The following DDB2 variants were observed in gnomAD, a reference collection of about 807,000 sequenced individuals.
DDB2 encodes the protein DNA damage-binding protein 2.
Under a neutral mutation model 50.5 loss-of-function variants are expected in DDB2, and 27 were observed. The observed-to-expected ratio is 0.53, with a 90% CI of 0.39 to 0.74. The LOEUF is 0.74. DDB2 is among the 30% of genes least tolerant of loss of function. DDB2 has a pLI of 0.00. For synonymous variants in DDB2, 176 were observed against 205.5 expected (o/e 0.86, Z 1.23); for missense variants, 424 against 545.6 (o/e 0.78, Z 2.22).
chr11:47,235,030 T>C, intron 6 of DDB2, 96 bp downstream of exon 6: 1 of 1,427,196 alleles, frequency 7.0e-7, no homozygotes, highest in Non-Finnish European at 9.8e-7. Flanking sequence ...GTCAAACCTT[T>C]ACCCCTGATA....
chr11:47,234,948 G>A lies in DDB2; in HGVS notation c.880+14G>A, dbSNP rs914598607. The A allele has an allele frequency of 6.2e-7, 1 of 1,613,828 alleles. No homozygotes were observed. Among genetic ancestry groups the A allele is most frequent in the Non-Finnish European group, 8.5e-7 (1 of 1,179,832 alleles). Reference sequence around the variant, plus strand: ...CTGTCAACGCAGGTGTGATATCCCAGACCTCATCTCTCCTGCAGACCCTGC... The same window carrying A: ...CTGTCAACGCAGGTGTGATATCCCAAACCTCATCTCTCCTGCAGACCCTGC... On this transcript the variant is annotated intron_variant, in intron 6 of 9. Coordinates refer to ENST00000256996, the MANE Select transcript of DDB2 (RefSeq NM_000107.3).
Position 47,217,063 on chromosome 11 carries a change from C to T in DDB2, c.456+14C>T, listed in dbSNP as rs1451699361. On this transcript the variant is annotated intron_variant, in intron 3 of 9. Transcript: ENST00000256996. ...TTCATCAAAGGGGTGAGCAGTTCCC[C>T]ATGCCAGGTCGTGCTAAAGAAGTGT... 1 of 1,610,886 alleles carries T rather than the reference C, an allele frequency of 6.2e-7. No individual in the cohort carries two copies. Among genetic ancestry groups the T allele is most frequent in the East Asian group, 2.2e-5 (1 of 44,862 alleles).
intron 4 of DDB2, 180 bp downstream of exon 4, chr11:47,233,139 G>A: frequency 1.4e-6 from 1 of 735,956 alleles, no homozygotes; most frequent in South Asian, 1.5e-5. Context: ...CTTTGGTCCA[G>A]GTGGGTTACT....
chr11:47,234,997 TC>T, intron 6 of DDB2, 63 bp downstream of exon 6: 1 of 1,574,794 alleles, frequency 6.4e-7, no homozygotes, highest in Non-Finnish European at 8.7e-7. Flanking sequence ...GCTGGGGTTT[TC>T]CCTCAGTGTG....
At chr11:47,228,578 G>T (rs553399430) in intron 3 of DDB2, among the ~76,000 whole-genome samples, 1 of 151,468 alleles carries the variant, frequency 6.6e-6, no homozygotes, top group South Asian at 2.1e-4. Flanking sequence ...AGGAGGCAGA[G>T]GTTGCAGTGA....
chr11:47,214,959 C>T (rs1382115033), upstream of DDB2: 4 of 856,074 alleles, frequency 4.7e-6, no homozygotes, highest in Non-Finnish European at 7.3e-6. Flanking sequence ...ACGGGTGGGG[C>T]CGGAGCTCCA....
At chr11:47,219,653 T>TA (rs1484435111) in intron 3 of DDB2, among the ~76,000 whole-genome samples, 1 of 152,204 alleles carries the variant, frequency 6.6e-6, no homozygotes, top group Non-Finnish European at 1.5e-5. Flanking sequence ...GCTGGGCCTC[T>TA]AGAACGTCTT....
chr11:47,234,446 CAGTT>C, intron 4 of DDB2, 123 bp from the exon 5 acceptor site: 1 of 802,888 alleles, frequency 1.2e-6, no homozygotes, highest in Non-Finnish European at 2.2e-6. Context: ...CACGGCAAGA[CAGTT>C]ATTCATTCAT....
intron 3 of DDB2, among the ~76,000 whole-genome samples, chr11:47,226,515 C>A (rs1337354800): frequency 1.3e-5 from 2 of 151,866 alleles, no homozygotes; most frequent in African/African-American, 2.4e-5. Flanking sequence ...TCAGGTGATT[C>A]ATTTGCCTTG....
At chr11:47,236,288 G>A (rs1953726064) in intron 7 of DDB2, among the ~76,000 whole-genome samples, 1 of 152,090 alleles carries the variant, frequency 6.6e-6, no homozygotes, top group South Asian at 2.1e-4. Flanking sequence ...ATAAAAATAA[G>A]TCTTTTATTT....
chr11:47,218,720 T>C (rs543621862), intron 3 of DDB2, among the ~76,000 whole-genome samples: 3 of 149,072 alleles, frequency 2.0e-5, no homozygotes, highest in Admixed American at 6.7e-5. Context: ...CACAAACTTA[T>C]AGGGCTCCAG....
intron 9 of DDB2, among the ~76,000 whole-genome samples, chr11:47,238,421 G>A (rs1437200505): frequency 1.3e-5 from 2 of 151,132 alleles, no homozygotes; most frequent in African/African-American, 2.4e-5. Context: ...TTTTTGAGAC[G>A]GAGTCTCGCT....
chr11:47,216,876 T>C lies in DDB2; in HGVS notation c.283T>C (p.Leu95=), dbSNP rs1403997031. ...GTGGCAGGGGCTCCAGCAGTCCTTT[T>C]TGCACACTCTGGATTCTTACCGGAT... ...SVQQGLQQSF[L]HTLDSYRILQ... is the part of the protein sequence containing the mutation. The change falls in exon 3 of 10, where the codon TTG becomes CTG. Residue 95 remains leucine, a synonymous_variant. Coordinates refer to ENST00000256996, the MANE Select transcript of DDB2 (RefSeq NM_000107.3). 5 of 1,614,120 alleles carry C rather than the reference T, an allele frequency of 3.1e-6. No homozygotes were observed. Among genetic ancestry groups the C allele is most frequent in the South Asian group, 1.1e-5 (1 of 91,078 alleles).
rs1383043416 is a variant in DDB2 at position 47,227,213 on chromosome 11, TCTC to T, written c.457-5598_457-5596del. On this transcript the variant is annotated intron_variant, in intron 3 of 9. Coordinates refer to ENST00000256996, the MANE Select transcript of DDB2 (RefSeq NM_000107.3). ...TCTCCACCTCCCGGGTTCAAGCAAT[TCTC>T]CTGCTTCAGCCTCCTGAGTAGCTGG... is the stretch of plus-strand genomic sequence containing the variant. Among the ~76,000 whole-genome samples, 6 of 137,656 alleles carry T rather than the reference TCTC, an allele frequency of 4.4e-5. No individual in the cohort carries two copies. In the East Asian group the frequency reaches 9.0e-4, roughly 21 times the overall value. 90.3% of individuals were successfully genotyped at this position (137,656 alleles called of 152,430 possible). A position where few individuals can be genotyped will look rare whatever the true frequency, so the allele number is the denominator to read the frequency against.
At chr11:47,223,432 G>A (rs994979462) in intron 3 of DDB2, among the ~76,000 whole-genome samples, 19 of 151,992 alleles carry the variant, frequency 1.3e-4, no homozygotes, top group Non-Finnish European at 2.4e-4. Flanking sequence ...GCAGTGAGCC[G>A]AGATGGTGTC....
intron 7 of DDB2, 180 bp from the exon 8 acceptor site, chr11:47,237,657 G>A (rs1022695298): frequency 1.1e-5 from 7 of 635,890 alleles, no homozygotes; most frequent in East Asian, 3.0e-5. Context: ...GGATGGTCTC[G>A]ATCTCCTGAC....
chr11:47,220,294 T>C (rs963593447), intron 3 of DDB2: 1 of 152,258 alleles, frequency 6.6e-6, no homozygotes, highest in Non-Finnish European at 1.5e-5. Context: ...TGACCGCTAA[T>C]AAGGCAGCTT....
At chr11:47,224,286 G>A (rs1419785730) in intron 3 of DDB2, among the ~76,000 whole-genome samples, 1 of 151,932 alleles carries the variant, frequency 6.6e-6, no homozygotes, top group African/African-American at 2.4e-5. Flanking sequence ...GGTGTGCAGT[G>A]CCACAATCTC....
rs326211 is a variant in DDB2, at chr11:47,217,114, A to T, written c.456+65A>T. The stretch of plus-strand genomic sequence containing the variant: ...TTGTTGGCTGGGTGCAGTGGTTCGC[A>T]CCTGTAATCCCAGCACTTTGGGAGG... On this transcript the variant is annotated intron_variant, in intron 3 of 9. Transcript: ENST00000256996. 6 of 1,427,996 alleles carry T rather than the reference A, an allele frequency of 4.2e-6. No individual in the cohort carries two copies. The East Asian group carries it at 1.2e-4, about 27-fold the overall frequency. 88.5% of individuals were successfully genotyped at this position (1,427,996 alleles called of 1,614,324 possible).
Sources: gnomAD v4.1 joint callset for allele counts (sites outside exome capture counted in the v4.1 genomes callset) on GRCh38, gnomAD v4.1.1 for gene constraint, MANE v1.5 for transcripts, NCBI Gene and HGNC (gene_info 2026-07-23, HGNC 2026-07-21) for gene names.